Variants in GOLGA3 observed in about 807,000 individuals in gnomAD.
The protein encoded by GOLGA3 is golgin A3, also known as golgin subfamily A member 3.
A neutral mutation model predicts 169.4 loss-of-function variants in GOLGA3; 75 were observed. That is an observed-to-expected ratio of 0.44 (90% CI 0.37 to 0.54). The LOEUF (loss-of-function observed/expected upper bound fraction) is 0.54, where lower values mean the gene tolerates loss of function less well. Ranked by LOEUF, GOLGA3 falls within the 20% of genes least tolerant of loss-of-function variation. The probability of loss-of-function intolerance (pLI) is 0.00; values close to 1 mark genes in which losing one functional copy is unlikely to be tolerated. For synonymous variants in GOLGA3, 824 were observed against 822.4 expected (o/e 1.00, Z -0.03); for missense variants, 1,899 against 1,930.0 (o/e 0.98, Z 0.30).
intron 2 of GOLGA3, among the ~76,000 whole-genome samples, chr12:132,820,100 C>T (rs756719090): frequency 6.6e-5 from 10 of 151,970 alleles, no homozygotes; most frequent in African/African-American, 1.5e-4. Context: ...CGCTTGAACC[C>T]GGGAGGCGGA....
intron 4 of GOLGA3, among the ~76,000 whole-genome samples, chr12:132,811,500 A>AC (rs1949706497): frequency 6.6e-6 from 1 of 150,876 alleles, no homozygotes; most frequent in South Asian, 2.1e-4. Context: ...TTTGAGATGG[A>AC]CCCAGGCTGG....
Position 132,784,264 on chromosome 12 carries a change from T to C in GOLGA3, c.3167A>G (p.His1056Arg), listed in dbSNP as rs1489497890. The change falls in exon 16 of 24, where the codon CAT (histidine) becomes CGT (arginine). Residue 1056 changes from histidine (H) to arginine (R), a missense_variant. Physicochemically the swap from His to Arg is conservative, Grantham distance 29 (BLOSUM62 0). Coordinates refer to ENST00000450791, the MANE Select transcript of GOLGA3 (RefSeq NM_001389683.1). The stretch of plus-strand genomic sequence containing the variant: ...TTCCTTTTCCAGCAGCGTCTTGCTA[T>C]GACTGACAGCCTGCAGCTCCGCCTC... The part of the protein sequence containing the change: ...ALEAELQAVS[H>R]SKTLLEKELQ... 2 of 1,610,824 alleles carry C rather than the reference T, an allele frequency of 1.2e-6. No homozygotes were observed. Among genetic ancestry groups the C allele is most frequent in the Non-Finnish European group, 1.7e-6 (2 of 1,179,982 alleles).
intron 4 of GOLGA3, chr12:132,811,796 A>G (rs1035642235): frequency 3.0e-5 from 27 of 914,468 alleles, no homozygotes; most frequent in Admixed American, 1.9e-4. Flanking sequence ...CCTTAAAGGT[A>G]TAAGAAGAAC....
chr12:132,822,236 C>A lies in GOLGA3; in HGVS notation c.-108G>T, dbSNP rs980368432. On this transcript the variant is annotated 5_prime_UTR_variant, in exon 2 of 24. Transcript: ENST00000450791. ...CCAAGAGCTCCTGGGAGGGGCCCTA[C>A]TGTGTCTCCCATTTTCAGGAGAAGA... 5 of 1,437,238 alleles carry A rather than the reference C, an allele frequency of 3.5e-6. No individual in the cohort carries two copies. Among genetic ancestry groups the A allele is most frequent in the Non-Finnish European group, 4.5e-6 (5 of 1,103,130 alleles). 89.0% of individuals were successfully genotyped at this position (1,437,238 alleles called of 1,614,324 possible).
chr12:132,796,449 C>T, intron 10 of GOLGA3, 90 bp downstream of exon 10: 1 of 1,425,012 alleles, frequency 7.0e-7, no homozygotes, highest in African/African-American at 1.4e-5. Flanking sequence ...GGCCCCACAG[C>T]AGAGGACTGC....
intron 3 of GOLGA3, among the ~76,000 whole-genome samples, chr12:132,813,725 T>G (rs1489586531): frequency 6.9e-6 from 1 of 144,388 alleles, no homozygotes; most frequent in African/African-American, 2.6e-5. Context: ...AAGTGCCTTT[T>G]TTTTTTTTTT....
intron 2 of GOLGA3, among the ~76,000 whole-genome samples, chr12:132,817,027 C>T (rs1158317210): frequency 2.0e-5 from 3 of 152,116 alleles, no homozygotes; most frequent in Non-Finnish European, 2.9e-5. Flanking sequence ...CTGGTGTCCA[C>T]GTCCTTCCTG....
At chr12:132,790,764 A>G (rs2046181845) in intron 12 of GOLGA3, among the ~76,000 whole-genome samples, 1 of 151,666 alleles carries the variant, frequency 6.6e-6, no homozygotes, top group African/African-American at 2.4e-5. Flanking sequence ...AAAGTTAAAG[A>G]GGGCCGGGCG....
At chr12:132,782,154 C>T (rs2136311919) in intron 17 of GOLGA3, 142 bp downstream of exon 17, 1 of 797,474 alleles carries the variant, frequency 1.3e-6, no homozygotes, top group Non-Finnish European at 2.2e-6. Flanking sequence ...GTCACCCGGA[C>T]TCCTGAGCCT....
intron 12 of GOLGA3, among the ~76,000 whole-genome samples, 166 bp downstream of exon 12, chr12:132,791,050 C>CAAAAAAAAAAAAAA (rs771719474): frequency 1.1e-4 from 6 of 52,632 alleles, no homozygotes; most frequent in African/African-American, 1.7e-4. Flanking sequence ...GACTCCGTCT[C>CAAAAAAAAAAAAAA]AAAAAAAAAA....
intron 7 of GOLGA3, among the ~76,000 whole-genome samples, chr12:132,803,385 G>C (rs986935788): frequency 3.9e-5 from 6 of 152,176 alleles, no homozygotes; most frequent in African/African-American, 1.4e-4. Context: ...CTCTGTCTTC[G>C]ACCCAACGAT....
intron 2 of GOLGA3, among the ~76,000 whole-genome samples, chr12:132,817,235 C>CT: frequency 8.2e-6 from 1 of 122,110 alleles, no homozygotes. Context: ...CCTCCACGCT[C>CT]TAAGGTGAAC....
chr12:132,802,280 G>A (rs1420105812), intron 7 of GOLGA3, among the ~76,000 whole-genome samples: 1 of 151,938 alleles, frequency 6.6e-6, no homozygotes, highest in African/African-American at 2.4e-5. Flanking sequence ...ACATAGCGTC[G>A]ATTCATTCAC....
chr12:132,800,023 G>T (rs1949056493), intron 8 of GOLGA3, among the ~76,000 whole-genome samples: 1 of 152,170 alleles, frequency 6.6e-6, no homozygotes, highest in South Asian at 2.1e-4. Flanking sequence ...TTACAGGCAT[G>T]CGCTACTGCA....
At chr12:132,776,491 T>C (rs2045251665) in intron 21 of GOLGA3, 143 bp downstream of exon 21, 1 of 1,495,828 alleles carries the variant, frequency 6.7e-7, no homozygotes, top group Non-Finnish European at 8.8e-7. Flanking sequence ...GCAGCTGCTG[T>C]AGCCCCTCCA....
In GOLGA3 at chr12:132,808,391, C is replaced by T. The variant is rs769010861; in HGVS notation, c.678G>A (p.Leu226=). The T allele has an allele frequency of 8.1e-6, 13 of 1,613,998 alleles. No homozygotes were observed. In the East Asian group the frequency reaches 2.9e-4, roughly 36 times the overall value. ...TCTCCCTAGGATGTGCCGGAAGCCC[C>T]AGGCTGCCCACCTTAGGCCCCCGAG... ...SVPRGPKVGS[L]GLPAHPREKK... The change falls in exon 5 of 24, where the codon CTG becomes CTA. Residue 226 remains leucine (L), a synonymous_variant. Coordinates refer to ENST00000450791, the MANE Select transcript of GOLGA3 (RefSeq NM_001389683.1).
At chr12:132,814,215 G>A (rs1313513073) in intron 3 of GOLGA3, among the ~76,000 whole-genome samples, 1 of 151,566 alleles carries the variant, frequency 6.6e-6, no homozygotes, top group Non-Finnish European at 1.5e-5. Context: ...GTAGAGACAG[G>A]GTTTCTCCAT....
Position 132,807,232 on chromosome 12 carries a change from T to A in GOLGA3, c.1235A>T (p.Lys412Ile). The A allele has an allele frequency of 6.2e-7, 1 of 1,604,326 alleles. No individual in the cohort carries two copies. Among genetic ancestry groups the A allele is most frequent in the Non-Finnish European group, 8.5e-7 (1 of 1,174,768 alleles). ...CTGTCCTTCGAGTCGCATTTTCTCT[T>A]TGAGCACCTGCAGCATCTCCTCCTG... Reference protein sequence around the residue: ...ETQEEMLQVLKEKMRLEGQLE... With the variant: ...ETQEEMLQVLIEKMRLEGQLE... The change falls in exon 6 of 24, where the codon AAA (lysine) becomes ATA (isoleucine). Residue 412 changes from lysine (K) to isoleucine (I), a missense_variant. Coordinates refer to ENST00000450791, the MANE Select transcript of GOLGA3 (RefSeq NM_001389683.1).
rs577846130 is a variant in GOLGA3 at position 132,807,861 on chromosome 12, C to T, written c.1178+30G>A. ...TCTGTTGGCCCCACCCACCTCCACCCACCCCGCCCACCTCTGCTGTCCCCA... is the reference window on the plus strand; with the variant it reads ...TCTGTTGGCCCCACCCACCTCCACCTACCCCGCCCACCTCTGCTGTCCCCA... On this transcript the variant is annotated intron_variant, in intron 5 of 23. Transcript: ENST00000450791. 1.9e-5 allele frequency: 23 copies of T among 1,185,038 alleles called. No individual in the cohort carries two copies. The South Asian group carries it at 3.2e-4, about 16-fold the overall frequency. 73.4% of individuals were successfully genotyped at this position (1,185,038 alleles called of 1,614,324 possible).
Sources: allele counts gnomAD v4.1 joint callset (sites outside exome capture counted in the v4.1 genomes callset), GRCh38; gene constraint gnomAD v4.1.1; transcripts MANE v1.5; gene names NCBI Gene and HGNC (gene_info 2026-07-23, HGNC 2026-07-21).